Variants in ZNF570 observed in about 807,000 individuals in gnomAD.
ZNF570 encodes the protein zinc finger protein 570.
ZNF570 carries 8 observed loss-of-function variants against 14.2 expected under a neutral mutation model. The observed-to-expected ratio is 0.56, with a 90% CI of 0.33 to 1.02. The LOEUF (loss-of-function observed/expected upper bound fraction) is 1.02, where lower values mean the gene tolerates loss of function less well. Ranked by LOEUF, ZNF570 falls within the 50% of genes least tolerant of loss-of-function variation. The pLI, the probability that ZNF570 is intolerant of heterozygous loss-of-function variation, is 0.03. For synonymous variants in ZNF570, 202 were observed against 207.6 expected (o/e 0.97, Z 0.23); for missense variants, 559 against 624.9 (o/e 0.89, Z 1.12).
At chr19:37,482,082 T>C (rs1487893072) in intron 4 of ZNF570, among the ~76,000 whole-genome samples, 1 of 152,230 alleles carries the variant, frequency 6.6e-6, no homozygotes, top group East Asian at 1.9e-4. Flanking sequence ...CCTCAAGTTA[T>C]ATCTGTATTA....
upstream of ZNF570, chr19:37,469,022 T>C: frequency 1.0e-6 from 1 of 985,216 alleles, no homozygotes; most frequent in Non-Finnish European, 1.2e-6. Flanking sequence ...CTCCCCGCCC[T>C]GGTTGCTAAG....
chr19:37,482,513 T>C (rs184858187), intron 4 of ZNF570, among the ~76,000 whole-genome samples: 16 of 152,286 alleles, frequency 1.1e-4, no homozygotes, highest in Admixed American at 3.9e-4. Flanking sequence ...ACCAACAGGA[T>C]GGTACTAAAC....
chr19:37,481,856 T>C (rs1392708362), intron 4 of ZNF570, among the ~76,000 whole-genome samples: 3 of 152,222 alleles, frequency 2.0e-5, no homozygotes, highest in Non-Finnish European at 4.4e-5. Flanking sequence ...ACAGTCTGTT[T>C]GACCTCTGAG....
chr19:37,470,822 C>A (rs768996592), intron 2 of ZNF570, among the ~76,000 whole-genome samples: 7 of 150,098 alleles, frequency 4.7e-5, no homozygotes, highest in Non-Finnish European at 5.9e-5. Context: ...GCCTCAGCCT[C>A]CCGAGTAGCT....
At chr19:37,481,357 G>A (rs1355535295) in intron 4 of ZNF570, among the ~76,000 whole-genome samples, 1 of 152,124 alleles carries the variant, frequency 6.6e-6, no homozygotes, top group Non-Finnish European at 1.5e-5. Flanking sequence ...GTTTCACTAT[G>A]TTGGCCAGGC....
intron 4 of ZNF570, among the ~76,000 whole-genome samples, chr19:37,480,559 T>A (rs1008124981): frequency 6.6e-6 from 1 of 152,200 alleles, no homozygotes; most frequent in Non-Finnish European, 1.5e-5. Flanking sequence ...CAGTTATTCC[T>A]TGCTTTTCTT....
chr19:37,474,967 GTTT>G (rs11285183), intron 2 of ZNF570, among the ~76,000 whole-genome samples: 4 of 138,680 alleles, frequency 2.9e-5, no homozygotes, highest in African/African-American at 2.7e-5. Flanking sequence ...TTTTGTTTTT[GTTT>G]TTTTTTTTTT....
At chr19:37,475,123 C>G (rs2042009392) in intron 2 of ZNF570, among the ~76,000 whole-genome samples, 1 of 151,926 alleles carries the variant, frequency 6.6e-6, no homozygotes, top group Non-Finnish European at 1.5e-5. Flanking sequence ...GCCACCACAC[C>G]TGGCTAATTT....
intron 4 of ZNF570, among the ~76,000 whole-genome samples, chr19:37,482,330 G>A (rs1481751442): frequency 6.6e-6 from 1 of 152,176 alleles, no homozygotes; most frequent in Admixed American, 6.5e-5. Context: ...GGCTGTACAG[G>A]AAGCATAGCG....
upstream of ZNF570, chr19:37,469,052 G>A: frequency 1.0e-6 from 1 of 994,876 alleles, no homozygotes; most frequent in Non-Finnish European, 1.2e-6. Context: ...CAGAGCGCTT[G>A]TGCCTGCGCA....
In ZNF570 at chr19:37,481,833, G is replaced by T. The variant is rs2042091314; in HGVS notation, c.257-2046G>T. On this transcript the variant is annotated intron_variant, in intron 4 of 4. Coordinates refer to ENST00000330173, the MANE Select transcript of ZNF570 (RefSeq NM_144694.5). ...AGCTTCAGTTCCACCTTACTTACTT[G>T]AAAGTGCCTTCCACAGTCTGTTTGA... Among the ~76,000 whole-genome samples, 4 of 152,288 alleles carry T rather than the reference G, an allele frequency of 2.6e-5. No homozygotes were observed. In the South Asian group the frequency reaches 8.3e-4, roughly 32 times the overall value.
chr19:37,486,047 T>G lies in ZNF570; in HGVS notation c.*814T>G, dbSNP rs141683316. 70 of 148,604 alleles carry G rather than the reference T, an allele frequency of 4.7e-4. No individual in the cohort carries two copies. Among genetic ancestry groups the G allele is most frequent in the African/African-American group, 1.6e-3 (65 of 40,602 alleles). The allele number at this position is 148,604 out of a possible 1,614,324, so 9.2% of individuals were successfully genotyped here. A position where few individuals can be genotyped will look rare whatever the true frequency, so the allele number is the denominator to read the frequency against. ...ACAAGGCTGCAACTCCGTCTCAAAA[T>G]AAAAAGAAAAGAAGAGAAAAGAAAA... On this transcript the variant is annotated 3_prime_UTR_variant, in exon 5 of 5. Coordinates refer to ENST00000330173, the MANE Select transcript of ZNF570 (RefSeq NM_144694.5).
At chr19:37,480,730 A>T (rs1232385934) in intron 4 of ZNF570, among the ~76,000 whole-genome samples, 2 of 151,954 alleles carry the variant, frequency 1.3e-5, no homozygotes, top group African/African-American at 4.8e-5. Context: ...AGGCAGGTGC[A>T]TCACTTCAGT....
At chr19:37,468,979 AC>A, upstream of ZNF570, 3 of 895,606 alleles carry the variant, frequency 3.3e-6, no homozygotes, top group Non-Finnish European at 4.0e-6. Flanking sequence ...CCACGCACAA[AC>A]CTTTTCCCTG....
In ZNF570 at chr19:37,485,199, C is replaced by T; in HGVS notation, c.1577C>T (p.Ser526Leu). The change falls in exon 5 of 5, where the codon TCA becomes TTA. Residue 526 changes from serine to leucine, a missense_variant. By Grantham distance (145) the Ser-to-Leu change is moderately radical (BLOSUM62 -2). Coordinates refer to ENST00000330173, the MANE Select transcript of ZNF570 (RefSeq NM_144694.5). ...AGAATTCACATTGGGGAGTCACTGTCACCACCCAACCCAGTCAATCACCAA... is the reference window on the plus strand; with the variant it reads ...AGAATTCACATTGGGGAGTCACTGTTACCACCCAACCCAGTCAATCACCAA... ...HQRIHIGESL[S>L]PPNPVNHQVL 1 of 1,573,100 alleles carries T rather than the reference C, an allele frequency of 6.4e-7. No homozygotes were observed. The highest frequency in any genetic ancestry group is 2.2e-5 in the East Asian group (1 of 44,634).
chr19:37,470,247 G>A, intron 1 of ZNF570, 57 bp from the exon 2 acceptor site: 1 of 1,520,850 alleles, frequency 6.6e-7, no homozygotes, highest in Non-Finnish European at 9.1e-7. Context: ...GTCTAGACTG[G>A]TGATTCTGGA....
chr19:37,478,051 T>C (rs1369877992), intron 4 of ZNF570, among the ~76,000 whole-genome samples: 1 of 152,206 alleles, frequency 6.6e-6, no homozygotes, highest in Non-Finnish European at 1.5e-5. Context: ...TTAGAATTTC[T>C]TGTTTGCCCT....
rs904533548 is a variant in ZNF570, at chr19:37,484,124, T to C, written c.502T>C (p.Trp168Arg). Reference sequence around the variant, plus strand: ...TGAGAGAGAACAAGAATATAAATCTTGGGGAAGTTTTCATCAGAACCCACT... The same window carrying C: ...TGAGAGAGAACAAGAATATAAATCTCGGGGAAGTTTTCATCAGAACCCACT... ...FDEREQEYKSWGSFHQNPLLC... is the reference protein window; with the variant it reads ...FDEREQEYKSRGSFHQNPLLC... The change falls in exon 5 of 5, where the codon TGG (tryptophan) becomes CGG (arginine). Residue 168 changes from tryptophan to arginine, a missense_variant. Coordinates refer to ENST00000330173, the MANE Select transcript of ZNF570 (RefSeq NM_144694.5). 2.5e-6 allele frequency: 4 copies of C among 1,614,018 alleles called. No individual in the cohort carries two copies. The highest frequency in any genetic ancestry group is 3.4e-6 in the Non-Finnish European group (4 of 1,179,994).
At position 37,481,804 on chromosome 19, in the gene ZNF570, T is replaced by A. The variant is rs180712257; in HGVS notation, c.257-2075T>A. Among the ~76,000 whole-genome samples the A allele has an allele frequency of 6.7e-3, 1,016 of 152,352 alleles. 13 individuals are homozygous for A. Among genetic ancestry groups the A allele is most frequent in the African/African-American group, 0.023 (945 of 41,578 alleles). On this transcript the variant is annotated intron_variant, in intron 4 of 4. Transcript: ENST00000330173. ...AGACTCACCAGGGATAAATTGATGC[T>A]CCCAGCTTCAGTTCCACCTTACTTA...
Sources: gnomAD v4.1 joint callset for allele counts (sites outside exome capture counted in the v4.1 genomes callset) on GRCh38, gnomAD v4.1.1 for gene constraint, MANE v1.5 for transcripts, NCBI Gene and HGNC (gene_info 2026-07-23, HGNC 2026-07-21) for gene names.